Variants in BTBD9 observed in about 807,000 individuals in gnomAD.
The protein encoded by BTBD9 is BTB/POZ domain-containing protein 9.
In BTBD9, 49 loss-of-function variants were observed where a neutral mutation model predicts 64.3. The ratio of observed to expected loss-of-function variants is 0.76; its 90% CI spans 0.61 to 0.97. The LOEUF is 0.97. BTBD9 is among the 50% of genes least tolerant of loss of function. The pLI is 0.00. For missense variants in BTBD9, 598 were observed against 762.1 expected (o/e 0.78, Z 2.53); for synonymous variants, 260 against 274.7 (o/e 0.95, Z 0.53).
chr6:38,317,078 C>T (rs1226783209), intron 7 of BTBD9, among the ~76,000 whole-genome samples: 2 of 150,648 alleles, frequency 1.3e-5, no homozygotes, highest in Non-Finnish European at 3.0e-5. Flanking sequence ...TCACTGCAAC[C>T]TCCACCCCCT....
intron 4 of BTBD9, among the ~76,000 whole-genome samples, chr6:38,584,391 T>C (rs924874926): frequency 6.6e-6 from 1 of 152,130 alleles, no homozygotes; most frequent in Non-Finnish European, 1.5e-5. Context: ...ACACATAATT[T>C]TTAATGCATA....
intron 9 of BTBD9, among the ~76,000 whole-genome samples, chr6:38,245,017 A>C (rs1200057193): frequency 1.3e-5 from 2 of 152,188 alleles, no homozygotes; most frequent in Non-Finnish European, 2.9e-5. Context: ...CCAGACAGTA[A>C]CAAGACAAAT....
At chr6:38,490,320 T>C (rs576824175) in intron 6 of BTBD9, among the ~76,000 whole-genome samples, 1 of 152,214 alleles carries the variant, frequency 6.6e-6, no homozygotes, top group South Asian at 2.1e-4. Flanking sequence ...GACACATCCA[T>C]TTCTTTTTTC....
At chr6:38,456,972 A>G (rs1421537769) in intron 6 of BTBD9, among the ~76,000 whole-genome samples, 1 of 152,234 alleles carries the variant, frequency 6.6e-6, no homozygotes, top group Non-Finnish European at 1.5e-5. Context: ...ATCAGGAAAG[A>G]GTCTCTGAGG....
chr6:38,382,989 T>C (rs1766003140), intron 6 of BTBD9, among the ~76,000 whole-genome samples: 1 of 152,160 alleles, frequency 6.6e-6, no homozygotes, highest in African/African-American at 2.4e-5. Flanking sequence ...TTTTAATATA[T>C]ACAAATTCCT....
intron 6 of BTBD9, among the ~76,000 whole-genome samples, chr6:38,522,846 A>C (rs1020012561): frequency 6.6e-6 from 1 of 152,054 alleles, no homozygotes; most frequent in Admixed American, 6.6e-5. Context: ...GAAAGATACC[A>C]AGTGTGGGGA....
chr6:38,415,192 G>A (rs906299461), intron 6 of BTBD9, among the ~76,000 whole-genome samples: 1 of 152,202 alleles, frequency 6.6e-6, no homozygotes, highest in South Asian at 2.1e-4. Context: ...AAATCTGTGA[G>A]TATATTAGAC....
intron 6 of BTBD9, among the ~76,000 whole-genome samples, chr6:38,349,184 GA>G (rs1421125309): frequency 2.6e-5 from 4 of 152,076 alleles, no homozygotes; most frequent in African/African-American, 9.7e-5. Flanking sequence ...CACCGCACCT[GA>G]CCCCCAAATT....
intron 9 of BTBD9, among the ~76,000 whole-genome samples, chr6:38,227,523 C>T (rs1391092826): frequency 6.6e-6 from 1 of 152,166 alleles, no homozygotes; most frequent in Non-Finnish European, 1.5e-5. Context: ...CCTGATGAGG[C>T]TGGGAAGGAA....
chr6:38,477,722 C>G (rs1414057171), intron 6 of BTBD9, among the ~76,000 whole-genome samples: 1 of 152,244 alleles, frequency 6.6e-6, no homozygotes, highest in South Asian at 2.1e-4. Flanking sequence ...GTTAAGAAAG[C>G]GAGGATGAAA....
At chr6:38,601,557 G>A (rs1777239982) in intron 1 of BTBD9, among the ~76,000 whole-genome samples, 1 of 152,194 alleles carries the variant, frequency 6.6e-6, no homozygotes, top group East Asian at 1.9e-4. Flanking sequence ...ATGGTGGCAT[G>A]AGCCTGTAAT....
chr6:38,409,552 T>C lies in BTBD9; in HGVS notation c.1155-64459A>G, dbSNP rs181074536. Among the ~76,000 whole-genome samples the C allele has an allele frequency of 1.4e-4, 21 of 152,242 alleles. No individual in the cohort carries two copies. The East Asian group carries it at 2.9e-3, about 21-fold the overall frequency. ...CTAAAATATGTGATCTGGCTGAGCA[T>C]GGTGGCTCACGCCTGTAATTCCAGC... On this transcript the variant is annotated intron_variant, in intron 6 of 10. Coordinates refer to ENST00000481247, the MANE Select transcript of BTBD9 (RefSeq NM_001099272.2).
intron 9 of BTBD9, among the ~76,000 whole-genome samples, chr6:38,229,864 A>G (rs992560461): frequency 6.6e-6 from 1 of 152,166 alleles, no homozygotes; most frequent in Non-Finnish European, 1.5e-5. Flanking sequence ...TTATCACATT[A>G]GTCATCCCTC....
intron 6 of BTBD9, among the ~76,000 whole-genome samples, chr6:38,513,751 C>A (rs1772882255): frequency 6.6e-6 from 1 of 152,150 alleles, no homozygotes; most frequent in African/African-American, 2.4e-5. Flanking sequence ...CATGACTAGA[C>A]ATATTCAAGT....
At chr6:38,593,847 T>C (rs906234006) in intron 3 of BTBD9, 117 bp downstream of exon 3, 180 of 942,446 alleles carry the variant, frequency 1.9e-4, no homozygotes, top group Non-Finnish European at 2.5e-4. Context: ...TAACCAATGA[T>C]AACGCTTTGA....
At chr6:38,520,201 C>T (rs567611100) in intron 6 of BTBD9, among the ~76,000 whole-genome samples, 1 of 152,152 alleles carries the variant, frequency 6.6e-6, no homozygotes, top group South Asian at 2.1e-4. Flanking sequence ...CACCTGTAAT[C>T]CCAGCACTTT....
chr6:38,213,372 A>G (rs1396260160), intron 9 of BTBD9, among the ~76,000 whole-genome samples: 3 of 152,162 alleles, frequency 2.0e-5, no homozygotes, highest in African/African-American at 7.2e-5. Context: ...GCTTAAAAAA[A>G]TCTCTGGAGT....
chr6:38,318,791 G>A (rs1334788277), intron 7 of BTBD9, among the ~76,000 whole-genome samples: 2 of 152,176 alleles, frequency 1.3e-5, no homozygotes, highest in African/African-American at 4.8e-5. Context: ...GTTTGTTCAA[G>A]GCCCTAGGGC....
At chr6:38,255,340 A>G (rs1033433641) in intron 9 of BTBD9, among the ~76,000 whole-genome samples, 2 of 152,198 alleles carry the variant, frequency 1.3e-5, no homozygotes, top group Admixed American at 1.3e-4. Flanking sequence ...GGAATATTAG[A>G]AAGCAGTGAT....
Sources: gnomAD v4.1 joint callset for allele counts (sites outside exome capture counted in the v4.1 genomes callset) on GRCh38, gnomAD v4.1.1 for gene constraint, MANE v1.5 for transcripts, NCBI Gene and HGNC (gene_info 2026-07-23, HGNC 2026-07-21) for gene names.